MYOM2: variants seen among roughly 807,000 people sequenced by gnomAD.
MYOM2 encodes myomesin-2.
In MYOM2, 254 loss-of-function variants were observed where a neutral mutation model predicts 187.6. The observed-to-expected ratio is 1.35, with a 90% confidence interval of 1.22 to 1.50. MYOM2 has a LOEUF of 1.50. MYOM2 is among the 40% of genes most tolerant of loss of function. The pLI is 0.00. For missense variants in MYOM2, 2,796 were observed against 1,924.0 expected (o/e 1.45, Z -8.48); for synonymous variants, 981 against 753.8 (o/e 1.30, Z -4.94).
rs376883611 is a variant in MYOM2 at position 2,072,049 on chromosome 8, G to A, written c.794-296G>A. On this transcript the variant is annotated intron_variant, in intron 8 of 36. Coordinates refer to ENST00000262113, the MANE Select transcript of MYOM2 (RefSeq NM_003970.4). ...ACATTCCGTGTGGAGCACGGACCTG[G>A]CTACGGGTGTTCCATGCTGTGGGGC... 2.0e-5 allele frequency among the ~76,000 whole-genome samples: 3 copies of A among 152,200 alleles called. No individual in the cohort carries two copies. The East Asian group carries it at 5.8e-4, about 29-fold the overall frequency.
At chr8:2,130,750 A>G (rs1797836382) in intron 32 of MYOM2, among the ~76,000 whole-genome samples, 1 of 152,198 alleles carries the variant, frequency 6.6e-6, no homozygotes, top group Non-Finnish European at 1.5e-5. Context: ...AGGAAAGTGT[A>G]TTGAAGGCAG....
rs769907128 is a variant in MYOM2 at position 2,144,727 on chromosome 8, G to A, written c.4144G>A (p.Asp1382Asn). 5.0e-6 allele frequency: 8 copies of A among 1,613,906 alleles called. No individual in the cohort carries two copies. The highest frequency in any genetic ancestry group is 2.2e-5 in the South Asian group (2 of 91,054). Residue 1382 changes from aspartate to asparagine, a missense_variant, in exon 37 of 37, where the codon GAC becomes AAC. Asp to Asn is a conservative substitution (Grantham distance 23). Transcript: ENST00000262113. ...CCCCGAAGTGATTTGGTTCAAGAAC[G>A]ACCAGGACATCCAGCTCAGCGAGCA... ...PDPEVIWFKN[D>N]QDIQLSEHFS... is the part of the protein sequence containing the mutation.
At chr8:2,077,024 G>A (rs926503500) in intron 11 of MYOM2, among the ~76,000 whole-genome samples, 1 of 152,300 alleles carries the variant, frequency 6.6e-6, no homozygotes, top group Middle Eastern at 3.4e-3. Context: ...AAAAGAGGAT[G>A]GTTCTGGCTG....
At chr8:2,111,654 C>T (rs747207229) in intron 25 of MYOM2, among the ~76,000 whole-genome samples, 2 of 152,216 alleles carry the variant, frequency 1.3e-5, no homozygotes, top group African/African-American at 2.4e-5. Flanking sequence ...CCACTGGAAT[C>T]TCAGGTCCCT....
rs1819830904 is a variant in MYOM2 at position 2,085,584 on chromosome 8, TC to T, written c.1644+195del. 2.8e-4 allele frequency among the ~76,000 whole-genome samples: 6 copies of T among 21,220 alleles called. 2 individuals carry two copies. Among genetic ancestry groups the T allele is most frequent in the Admixed American group, 5.2e-4 (1 of 1,938 alleles). The allele number at this position is 21,220 out of a possible 152,430, so 13.9% of individuals were successfully genotyped here. A position where few individuals can be genotyped will look rare whatever the true frequency, so the allele number is the denominator to read the frequency against. ...TCTGCGTGGCCCCACTGTTGTGATC[TC>T]TGCGTGGCCCCACTGTCGTGATCTC... On this transcript the variant is annotated intron_variant, in intron 14 of 36. Transcript: ENST00000262113.
At chr8:2,075,238 G>A (rs369158514) in intron 10 of MYOM2, among the ~76,000 whole-genome samples, 25 of 152,150 alleles carry the variant, frequency 1.6e-4, no homozygotes, top group Non-Finnish European at 2.9e-4. Context: ...GTTGTTAGGC[G>A]GGCGTTAAAT....
At chr8:2,130,498 A>T (rs138502512) in intron 32 of MYOM2, among the ~76,000 whole-genome samples, 1 of 152,202 alleles carries the variant, frequency 6.6e-6, no homozygotes. Context: ...AGGAAAATCA[A>T]TGGTTATGAC....
chr8:2,086,757 G>A (rs953899040), intron 14 of MYOM2, among the ~76,000 whole-genome samples: 6 of 152,212 alleles, frequency 3.9e-5, no homozygotes, highest in African/African-American at 9.6e-5. Context: ...GGAGGACTGA[G>A]CTTGAGGGTT....
Position 2,106,573 on chromosome 8 carries a change from T to G in MYOM2, c.2974T>G (p.Ser992Ala), listed in dbSNP as rs769183543. The change falls in exon 23 of 37, where the codon TCC becomes GCC. Residue 992 changes from serine (S) to alanine (A), a missense_variant. By Grantham distance (99) the Ser-to-Ala change is moderately conservative. Transcript: ENST00000262113. Reference sequence around the variant, plus strand: ...TGTAAGTGATACAGACGGAGTGTCCTCCAGTTTTGTTCTGGACCCAGAAGG... The same window carrying G: ...TGTAAGTGATACAGACGGAGTGTCCGCCAGTTTTGTTCTGGACCCAGAAGG... ...VSVSDTDGVS[S>A]SFVLDPEELE... is the part of the protein sequence containing the mutation. 5 of 1,607,796 alleles carry G rather than the reference T, an allele frequency of 3.1e-6. No individual in the cohort carries two copies.
At chr8:2,045,871 C>T (rs1312368475) in intron 1 of MYOM2, among the ~76,000 whole-genome samples, 1 of 152,200 alleles carries the variant, frequency 6.6e-6, no homozygotes, top group Non-Finnish European at 1.5e-5. Context: ...GTGGAAGGCA[C>T]CGGAGGCAAA....
chr8:2,054,148 C>T (rs372161968), intron 3 of MYOM2, among the ~76,000 whole-genome samples: 14 of 152,146 alleles, frequency 9.2e-5, no homozygotes, highest in Admixed American at 2.6e-4. Context: ...GACCTCCCAA[C>T]GTGGATATTA....
At chr8:2,139,194 G>A (rs544748062) in intron 32 of MYOM2, among the ~76,000 whole-genome samples, 10 of 152,326 alleles carry the variant, frequency 6.6e-5, no homozygotes, top group Non-Finnish European at 1.2e-4. Context: ...AGGCCGGAGT[G>A]CGGTGGTGTG....
chr8:2,139,870 G>C (rs1798215375), intron 32 of MYOM2, among the ~76,000 whole-genome samples: 1 of 152,210 alleles, frequency 6.6e-6, no homozygotes, highest in Admixed American at 6.5e-5. Flanking sequence ...AGGCGGGAAT[G>C]TATGAGCACC....
intron 14 of MYOM2, among the ~76,000 whole-genome samples, chr8:2,086,703 G>A (rs972673569): frequency 6.6e-6 from 1 of 152,270 alleles, no homozygotes; most frequent in Non-Finnish European, 1.5e-5. Context: ...TGTGAGCAGG[G>A]AGTCGCTTCC....
intron 11 of MYOM2, among the ~76,000 whole-genome samples, chr8:2,077,095 A>G (rs918047415): frequency 3.3e-5 from 5 of 152,168 alleles, no homozygotes; most frequent in Non-Finnish European, 7.3e-5. Context: ...GCGGATTACA[A>G]GTTCAGGAGA....
chr8:2,144,941 C>G lies in MYOM2; in HGVS notation c.4358C>G (p.Pro1453Arg). Residue 1453 changes from proline to arginine, a missense_variant, in exon 37 of 37, where the codon CCC (proline) becomes CGC (arginine). Coordinates refer to ENST00000262113, the MANE Select transcript of MYOM2 (RefSeq NM_003970.4). ...PDMAPPQQAKPKLIPASASAA... is the reference protein window; with the variant it reads ...PDMAPPQQAKRKLIPASASAA... The stretch of plus-strand genomic sequence containing the variant: ...ATGGCCCCGCCCCAGCAAGCCAAGC[C>G]CAAGCTCATCCCCGCGTCTGCCTCA... 6.2e-7 allele frequency: 1 copy of G among 1,614,210 alleles called. No homozygotes were observed. Among genetic ancestry groups the G allele is most frequent in the Non-Finnish European group, 8.5e-7 (1 of 1,180,042 alleles).
At chr8:2,078,503 C>T (rs1819510214) in intron 11 of MYOM2, among the ~76,000 whole-genome samples, 1 of 152,012 alleles carries the variant, frequency 6.6e-6, no homozygotes, top group Admixed American at 6.6e-5. Context: ...GATTCATGGG[C>T]ATATATTACA....
chr8:2,098,686 T>C (rs1459749196), intron 18 of MYOM2, among the ~76,000 whole-genome samples, 171 bp from the exon 19 acceptor site: 1 of 152,198 alleles, frequency 6.6e-6, no homozygotes, highest in African/African-American at 2.4e-5. Context: ...TTCATGCGGC[T>C]GCAGCTCGTC....
At chr8:2,073,262 A>T in intron 9 of MYOM2, 77 bp from the exon 10 acceptor site, 1 of 1,500,464 alleles carries the variant, frequency 6.7e-7, no homozygotes. Flanking sequence ...CTCTGAGACG[A>T]CGCTGGTGTC....
Sources: gnomAD v4.1 joint callset for allele counts (sites outside exome capture counted in the v4.1 genomes callset) on GRCh38, gnomAD v4.1.1 for gene constraint, MANE v1.5 for transcripts, NCBI Gene and HGNC (gene_info 2026-07-23, HGNC 2026-07-21) for gene names.